ARHGEF40: variants seen among roughly 807,000 people sequenced by gnomAD.
ARHGEF40 encodes Rho guanine nucleotide exchange factor (GEF) 40.
A neutral mutation model predicts 165.9 loss-of-function variants in ARHGEF40; 98 were observed. That is an observed-to-expected ratio of 0.59 (90% CI 0.50 to 0.70). The LOEUF (loss-of-function observed/expected upper bound fraction) is 0.70. Ranked by LOEUF, ARHGEF40 falls within the 30% of genes least tolerant of loss-of-function variation. ARHGEF40 has a pLI of 0.00. For missense variants in ARHGEF40, 1,815 were observed against 1,968.0 expected, an observed-to-expected ratio of 0.92 and a Z score of 1.47; for synonymous variants, 792 against 814.3, an observed-to-expected ratio of 0.97 and a Z score of 0.47.
chr14:21,074,646 C>G lies in ARHGEF40; in HGVS notation c.916C>G (p.Pro306Ala), dbSNP rs113050468. Residue 306 changes from proline to alanine, a missense_variant, in exon 3 of 24, where the codon CCC becomes GCC. By Grantham distance (27) the Pro-to-Ala change is conservative. Transcript: ENST00000298694. The surrounding 1 kb of genome is among the most constrained non-coding windows in gnomAD (Gnocchi z 4.8). ...TCGGGGCCAGGATGGAGCACGCCCA[C>G]CCGGCGAGGGGAGCAGCACCGGAGC... ...GPRGQDGARP[P>A]GEGSSTGASP... is the part of the protein sequence containing the mutation. 1.9e-6 allele frequency: 3 copies of G among 1,566,044 alleles called. No individual in the cohort carries two copies. Among genetic ancestry groups the G allele is most frequent in the Non-Finnish European group, 1.7e-6 (2 of 1,157,032 alleles).
chr14:21,076,854 G>C lies in ARHGEF40; in HGVS notation c.1998G>C (p.Arg666Ser). 2 of 1,613,628 alleles carry C rather than the reference G, an allele frequency of 1.2e-6. No individual in the cohort carries two copies. The highest frequency in any genetic ancestry group is 2.2e-5 in the South Asian group (2 of 91,046). The change falls in exon 8 of 24, where the codon AGG becomes AGC. Residue 666 changes from arginine (R) to serine (S), a missense_variant. Transcript: ENST00000298694. ...EELQWELGGH[R>S]DPSPSHWVEI... ...TGCAGTGGGAGTTAGGAGGTCACAG[G>C]GACCCCTCTCCCAGTCACTGGGTAG...
chr14:21,084,080 C>G, intron 17 of ARHGEF40, 30 bp downstream of exon 17: 1 of 1,565,282 alleles, frequency 6.4e-7, no homozygotes, highest in Non-Finnish European at 8.7e-7. Flanking sequence ...CACTGCTGCT[C>G]AAACTGCCCA....
rs751082903 is a variant in ARHGEF40, at chr14:21,074,595, T to C, written c.865T>C (p.Trp289Arg). 18 of 1,565,720 alleles carry C rather than the reference T, an allele frequency of 1.1e-5. No individual in the cohort carries two copies. The South Asian group carries it at 2.0e-4, about 17-fold the overall frequency. The change falls in exon 3 of 24, where the codon TGG becomes CGG. Residue 289 changes from tryptophan to arginine, a missense_variant. Coordinates refer to ENST00000298694, the MANE Select transcript of ARHGEF40 (RefSeq NM_018071.5). The surrounding 1 kb of genome is among the most constrained non-coding windows in gnomAD (Gnocchi z 4.8). ...GGGCCGCCACCGGAGACACCGGGCG[T>C]GGATGCACCAGAAGGGCCTGGGGCC... Reference protein sequence around the residue: ...GKGRHRRHRAWMHQKGLGPRG... With the variant: ...GKGRHRRHRARMHQKGLGPRG...
intron 8 of ARHGEF40, 118 bp from the exon 9 acceptor site, chr14:21,078,059 G>A: frequency 1.2e-6 from 1 of 852,038 alleles, no homozygotes; most frequent in Non-Finnish European, 1.8e-6. Flanking sequence ...AACAAAGTCA[G>A]GAACTGAATT....
intron 11 of ARHGEF40, among the ~76,000 whole-genome samples, chr14:21,080,323 G>A (rs747315661): frequency 2.1e-4 from 32 of 151,724 alleles, no homozygotes; most frequent in African/African-American, 4.8e-4. Flanking sequence ...GGTGAAGGCC[G>A]TCAGTCATCC....
Position 21,078,228 on chromosome 14 carries a change from C to T in ARHGEF40, c.2086C>T (p.Gln696Ter). Residue 696 changes from glutamine to a stop codon, truncating the protein, a stop_gained, in exon 9 of 24, where the codon CAG becomes TAG. Coordinates refer to ENST00000298694, the MANE Select transcript of ARHGEF40 (RefSeq NM_018071.5). LOFTEE classifies it high-confidence loss of function. ...CCAAGGTGTGCTGGGCTCGGTACGG[C>T]AGGCCATTGAGGAGCTGGAGGGAGC... is the stretch of plus-strand genomic sequence containing the variant. ...LCQGVLGSVR[Q>*]AIEELEGAAE... 1 of 1,614,004 alleles carries T rather than the reference C, an allele frequency of 6.2e-7. No individual in the cohort carries two copies. The highest frequency in any genetic ancestry group is 8.5e-7 in the Non-Finnish European group (1 of 1,179,986).
Position 21,074,816 on chromosome 14 carries a change from C to T in ARHGEF40, c.1086C>T (p.Gly362=). Reference sequence around the variant, plus strand: ...AGCTTAGAGGAGGAGGAGGAGGAGGCCAGGGGGCTGAAGGACCACCTGGTA... The same window carrying T: ...AGCTTAGAGGAGGAGGAGGAGGAGGTCAGGGGGCTGAAGGACCACCTGGTA... The part of the protein sequence containing the change: ...PGELRGGGGG[G]QGAEGPPGTP... The change falls in exon 3 of 24, where the codon GGC becomes GGT. Residue 362 remains glycine, a synonymous_variant. Transcript: ENST00000298694. The surrounding 1 kb of genome is among the most constrained non-coding windows in gnomAD (Gnocchi z 4.8). 2 of 1,605,544 alleles carry T rather than the reference C, an allele frequency of 1.2e-6. No individual in the cohort carries two copies. Among genetic ancestry groups the T allele is most frequent in the Middle Eastern group, 3.4e-4 (2 of 5,866 alleles).
At chr14:21,068,999 C>A (rs1384035305), upstream of ARHGEF40, among the ~76,000 whole-genome samples, 1 of 152,256 alleles carries the variant, frequency 6.6e-6, no homozygotes, top group African/African-American at 2.4e-5. Context: ...GCAGGCGAGG[C>A]CAGACGTTTT....
In ARHGEF40 at chr14:21,076,562, G is replaced by C; in HGVS notation, c.1837-1G>C. 1 of 1,614,182 alleles carries C rather than the reference G, an allele frequency of 6.2e-7. No homozygotes were observed. On this transcript the variant is annotated splice_acceptor_variant, in intron 6 of 23. Coordinates refer to ENST00000298694, the MANE Select transcript of ARHGEF40 (RefSeq NM_018071.5). LOFTEE classifies it high-confidence loss of function. ...TTAGGGTTATTCTTTTCTGCCCTTA[G>C]GACTCAGGAGATCCTCCCCTTGTTC...
intron 9 of ARHGEF40, 36 bp downstream of exon 9, chr14:21,078,308 T>G (rs763320142): frequency 1.2e-6 from 2 of 1,607,178 alleles, no homozygotes; most frequent in South Asian, 1.1e-5. Context: ...GGGATGGGAT[T>G]GGGATGGGGC....
the ARHGEF40 span, among the ~76,000 whole-genome samples, chr14:21,062,593 G>A: frequency 6.6e-6 from 1 of 152,184 alleles, no homozygotes; most frequent in Admixed American, 6.5e-5. Flanking sequence ...CTCAAAGGCT[G>A]TGGTCAGGTC....
intron 19 of ARHGEF40, chr14:21,086,689 G>A (rs116864545): frequency 6.9e-6 from 2 of 290,968 alleles, no homozygotes; most frequent in African/African-American, 4.2e-5. Context: ...GTGAGGGTTT[G>A]TTTTTTGTGT....
chr14:21,082,715 T>C (rs1487661534), intron 15 of ARHGEF40, 116 bp from the exon 16 acceptor site: 1 of 1,151,716 alleles, frequency 8.7e-7, no homozygotes, highest in Non-Finnish European at 1.3e-6. Flanking sequence ...GTAGGCTGAG[T>C]GCTCCCTGGT....
At chr14:21,065,558 A>G (rs749471721), upstream of ARHGEF40, among the ~76,000 whole-genome samples, 9 of 152,244 alleles carry the variant, frequency 5.9e-5, no homozygotes, top group Non-Finnish European at 1.2e-4. Flanking sequence ...CATAATCAAT[A>G]GAGAAAAATG....
chr14:21,068,124 C>CGAGT (rs1333071911), upstream of ARHGEF40, among the ~76,000 whole-genome samples: 440 of 46,948 alleles, frequency 9.4e-3, 137 homozygotes, highest in African/African-American at 0.019. Flanking sequence ...CTCAGCCTCC[C>CGAGT]GAGTAGCTGG....
At position 21,074,133 on chromosome 14, in the gene ARHGEF40, C is replaced by T; in HGVS notation, c.403C>T (p.Pro135Ser). 1 of 1,614,152 alleles carries T rather than the reference C, an allele frequency of 6.2e-7. No homozygotes were observed. Among genetic ancestry groups the T allele is most frequent in the Non-Finnish European group, 8.5e-7 (1 of 1,180,030 alleles). Residue 135 changes from proline to serine, a missense_variant, in exon 3 of 24, where the codon CCT becomes TCT. Pro to Ser is a moderately conservative substitution (Grantham distance 74). Coordinates refer to ENST00000298694, the MANE Select transcript of ARHGEF40 (RefSeq NM_018071.5). This position sits in a 1 kb window ranked among gnomAD's most constrained non-coding sequence, Gnocchi z 4.8. ...TGGGGGTGGGCGGGTGCAGGAGGTTCCTGTGCCCAATGAGGCTTGTGCCTA... is the reference window on the plus strand; with the variant it reads ...TGGGGGTGGGCGGGTGCAGGAGGTTTCTGTGCCCAATGAGGCTTGTGCCTA... ...APGGGRVQEV[P>S]VPNEACAYLF... is the part of the protein sequence containing the mutation.
chr14:21,065,183 CA>C, the ARHGEF40 span, among the ~76,000 whole-genome samples: 15 of 144,698 alleles, frequency 1.0e-4, no homozygotes, highest in African/African-American at 3.9e-4. Context: ...AAAAAAAAAA[CA>C]AACAACAACA....
At chr14:21,067,663 T>G (rs1167554525), upstream of ARHGEF40, among the ~76,000 whole-genome samples, 1 of 152,054 alleles carries the variant, frequency 6.6e-6, no homozygotes, top group Non-Finnish European at 1.5e-5. Flanking sequence ...CTAAGTCTGG[T>G]CTATTCCCAG....
chr14:21,068,401 G>T (rs1886403244), upstream of ARHGEF40, among the ~76,000 whole-genome samples: 1 of 151,962 alleles, frequency 6.6e-6, no homozygotes, highest in Non-Finnish European at 1.5e-5. Context: ...CTACCTAAGA[G>T]TAGTGAGCCT....
Sources: allele counts gnomAD v4.1 joint callset (sites outside exome capture counted in the v4.1 genomes callset), GRCh38; gene constraint gnomAD v4.1.1; non-coding constraint Gnocchi (gnomAD v3.1); transcripts MANE v1.5; gene names NCBI Gene and HGNC (gene_info 2026-07-23, HGNC 2026-07-21).